Variants in TRIO observed in about 807,000 individuals in gnomAD.
The protein encoded by TRIO is trio Rho guanine nucleotide exchange factor, also known as triple functional domain protein.
A neutral mutation model predicts 351.9 loss-of-function variants in TRIO; 58 were observed. That is an observed-to-expected ratio of 0.16 (90% CI 0.13 to 0.21). TRIO has a LOEUF of 0.21. Among genes scored for constraint, TRIO ranks in the 10% least tolerant of loss-of-function variants. The probability of loss-of-function intolerance (pLI) is 1.00; values close to 1 mark genes in which losing one functional copy is unlikely to be tolerated. For synonymous variants in TRIO, 1,758 were observed against 1,595.7 expected (o/e 1.10, Z -2.42); for missense variants, 3,201 against 4,027.8 (o/e 0.79, Z 5.56).
chr5:14,297,593 C>T (rs1253845757), intron 7 of TRIO: 1 of 200,334 alleles, frequency 5.0e-6, no homozygotes. Flanking sequence ...AGCTGCTCTT[C>T]TCTTCCCCTC....
At chr5:14,373,921 C>G (rs997409335) in intron 18 of TRIO, among the ~76,000 whole-genome samples, 2 of 152,178 alleles carry the variant, frequency 1.3e-5, no homozygotes, top group African/African-American at 4.8e-5. Context: ...GTGCAAACCT[C>G]TCTAGACTGG....
At chr5:14,240,280 T>C (rs1794048761) in intron 1 of TRIO, among the ~76,000 whole-genome samples, 2 of 152,190 alleles carry the variant, frequency 1.3e-5, no homozygotes, top group Non-Finnish European at 2.9e-5. Context: ...TGGAGTCAGT[T>C]ATTATCTACT....
At chr5:14,437,474 G>A (rs1751675226) in intron 34 of TRIO, among the ~76,000 whole-genome samples, 3 of 152,126 alleles carry the variant, frequency 2.0e-5, no homozygotes, top group African/African-American at 7.2e-5. Flanking sequence ...AGCTGTGCCT[G>A]GGGCAGCTGT....
intron 1 of TRIO, among the ~76,000 whole-genome samples, chr5:14,225,629 C>T (rs1309022351): frequency 6.6e-6 from 1 of 152,170 alleles, no homozygotes; most frequent in East Asian, 1.9e-4. Flanking sequence ...TGGCAGTTTG[C>T]TCTTCTGAGG....
In TRIO at chr5:14,361,319, C is replaced by A. The variant is rs533834521; in HGVS notation, c.2391+1788C>A. ...AGGAAACAAAAACATACATTTTTCC[C>A]CCAACAAAGCCACGAAATTACAAGT... On this transcript the variant is annotated intron_variant, in intron 13 of 56. Transcript: ENST00000344204. Among the ~76,000 whole-genome samples the A allele has an allele frequency of 5.3e-5, 8 of 152,238 alleles. No individual in the cohort carries two copies. The East Asian group carries it at 1.5e-3, about 29-fold the overall frequency.
intron 34 of TRIO, chr5:14,440,945 T>C (rs1247476460): frequency 6.6e-6 from 1 of 152,166 alleles, no homozygotes; most frequent in Non-Finnish European, 1.5e-5. Context: ...TTAGAGTCAG[T>C]GTGGTAGAAT....
At chr5:14,252,572 T>C (rs1227604619) in intron 1 of TRIO, among the ~76,000 whole-genome samples, 1 of 152,172 alleles carries the variant, frequency 6.6e-6, no homozygotes, top group Non-Finnish European at 1.5e-5. Flanking sequence ...CTGCTTCTCA[T>C]AAAAAGAACA....
chr5:14,311,353 T>C (rs1034126478), intron 8 of TRIO, among the ~76,000 whole-genome samples: 8 of 152,220 alleles, frequency 5.3e-5, no homozygotes, highest in Admixed American at 1.3e-4. Context: ...AATAAGAAAC[T>C]GAATAGCTGA....
intron 33 of TRIO, among the ~76,000 whole-genome samples, chr5:14,419,493 C>T (rs1284360422): frequency 9.2e-5 from 14 of 152,110 alleles, no homozygotes; most frequent in Admixed American, 9.2e-4. Flanking sequence ...CCCCAGATAG[C>T]CTTCAAGCAG....
intron 48 of TRIO, chr5:14,490,862 ATC>A: frequency 2.2e-6 from 1 of 456,112 alleles, no homozygotes; most frequent in Non-Finnish European, 4.4e-6. Flanking sequence ...TAGCTTTGTA[ATC>A]TCAGTACTCT....
chr5:14,424,995 C>T lies in TRIO; in HGVS notation c.5203+4974C>T, dbSNP rs183803375. Among the ~76,000 whole-genome samples the T allele has an allele frequency of 3.9e-3, 592 of 152,324 alleles. 3 individuals carry two copies. The highest frequency in any genetic ancestry group is 0.013 in the African/African-American group (555 of 41,580). ...CTCTCCCACCATCTCCCCACTTGTT[C>T]ACCCAAGAACATGGCTAACGCACGT... is the stretch of plus-strand genomic sequence containing the variant. On this transcript the variant is annotated intron_variant, in intron 34 of 56. Coordinates refer to ENST00000344204, the MANE Select transcript of TRIO (RefSeq NM_007118.4).
rs543831520 is a variant in TRIO at position 14,489,633 on chromosome 5, A to C, written c.7632+1373A>C. Among the ~76,000 whole-genome samples the C allele has an allele frequency of 2.0e-5, 3 of 152,286 alleles. No homozygotes were observed. In the South Asian group the frequency reaches 6.2e-4, roughly 32 times the overall value. On this transcript the variant is annotated intron_variant, in intron 48 of 56. Coordinates refer to ENST00000344204, the MANE Select transcript of TRIO (RefSeq NM_007118.4). Reference sequence around the variant, plus strand: ...TGGACACATTCCCATTCAGTACGAGAGGAGATTTCAGAGTCTGTGTTTCAA... The same window carrying C: ...TGGACACATTCCCATTCAGTACGAGCGGAGATTTCAGAGTCTGTGTTTCAA...
At chr5:14,157,885 G>A (rs1266963340) in intron 1 of TRIO, among the ~76,000 whole-genome samples, 1 of 152,108 alleles carries the variant, frequency 6.6e-6, no homozygotes, top group Non-Finnish European at 1.5e-5. Context: ...ACTGCACCCA[G>A]CCTGTTCTGT....
intron 9 of TRIO, 111 bp from the exon 10 acceptor site, chr5:14,330,666 TC>T: frequency 7.4e-7 from 1 of 1,354,586 alleles, no homozygotes; most frequent in Non-Finnish European, 9.7e-7. Flanking sequence ...CTCGTTTGCT[TC>T]TTGTTTCTTA....
In TRIO at chr5:14,394,134, T is replaced by G. The variant is rs199551032; in HGVS notation, c.4311+4T>G. 9.6e-5 allele frequency: 152 copies of G among 1,581,024 alleles called. No homozygotes were observed. In the African/African-American group the frequency reaches 1.7e-3, roughly 18 times the overall value. ...GAAGTATCAGCTCCTTTTAAAAGTA[T>G]GTATAATGCGTCTTCAGCCTGTGAA... On this transcript the variant is annotated splice_donor_region_variant and intron_variant, in intron 28 of 56. Coordinates refer to ENST00000344204, the MANE Select transcript of TRIO (RefSeq NM_007118.4).
intron 4 of TRIO, among the ~76,000 whole-genome samples, chr5:14,288,221 T>C (rs531098201): frequency 6.6e-6 from 1 of 152,326 alleles, no homozygotes; most frequent in Non-Finnish European, 1.5e-5. Flanking sequence ...TAAGTAAAAA[T>C]AATGGTCTGG....
intron 1 of TRIO, among the ~76,000 whole-genome samples, chr5:14,147,357 C>G (rs1178003846): frequency 6.6e-6 from 1 of 152,184 alleles, no homozygotes; most frequent in African/African-American, 2.4e-5. Flanking sequence ...CTCAACCCCA[C>G]TGGGACCAAT....
chr5:14,486,290 C>A (rs1431286146), intron 47 of TRIO, among the ~76,000 whole-genome samples: 1 of 152,258 alleles, frequency 6.6e-6, no homozygotes, highest in East Asian at 1.9e-4. Flanking sequence ...TTGTAATGTT[C>A]TCTGTCACAA....
At position 14,403,403 on chromosome 5, in the gene TRIO, ATGAGGGTGTAGGTTGTGG is replaced by A. The variant is rs1269591896; in HGVS notation, c.4716+2384_4717-2383del. Among the ~76,000 whole-genome samples, 45 of 15,756 alleles carry A rather than the reference ATGAGGGTGTAGGTTGTGG, an allele frequency of 2.9e-3. 1 individual carries two copies. The highest frequency in any genetic ancestry group is 3.8e-3 in the Admixed American group (5 of 1,300). The allele number at this position is 15,756 out of a possible 152,430, so 10.3% of individuals were successfully genotyped here. The stretch of plus-strand genomic sequence containing the variant: ...GTAGGTTGTGAGGGTGTAGGTTGTG[ATGAGGGTGTAGGTTGTGG>A]TGAGGGTGTAGGTTGTGGTGAGGGT... On this transcript the variant is annotated intron_variant, in intron 31 of 56. Coordinates refer to ENST00000344204, the MANE Select transcript of TRIO (RefSeq NM_007118.4).
Sources: gnomAD v4.1 joint callset for allele counts (sites outside exome capture counted in the v4.1 genomes callset) on GRCh38, gnomAD v4.1.1 for gene constraint, MANE v1.5 for transcripts, NCBI Gene and HGNC (gene_info 2026-07-23, HGNC 2026-07-21) for gene names.